PGBD2: variants seen among roughly 807,000 people sequenced by gnomAD.
PGBD2 encodes the protein piggyBac transposable element-derived protein 2.
In PGBD2, 6 loss-of-function variants were observed where a neutral mutation model predicts 8.1. The ratio of observed to expected loss-of-function variants is 0.74; its 90% confidence interval spans 0.40 to 1.46. The LOEUF is 1.46. Ranked by LOEUF, PGBD2 falls within the 40% of genes most tolerant of loss-of-function variation. The pLI is 0.02. For synonymous variants in PGBD2, 318 were observed against 272.2 expected (o/e 1.17, Z -1.66); for missense variants, 802 against 739.0 (o/e 1.09, Z -0.99).
downstream of PGBD2, among the ~76,000 whole-genome samples, chr1:248,922,062 C>CTT (rs977032872): frequency 3.2e-4 from 44 of 139,070 alleles, no homozygotes; most frequent in African/African-American, 9.7e-4. Flanking sequence ...TTTCTTTTTT[C>CTT]TTTTTTTTTT....
chr1:248,873,774 C>A, the PGBD2 span, among the ~76,000 whole-genome samples: 1 of 152,236 alleles, frequency 6.6e-6, no homozygotes, highest in Non-Finnish European at 1.5e-5. Flanking sequence ...GTTCCCACGG[C>A]CGCAACTCGG....
downstream of PGBD2, among the ~76,000 whole-genome samples, chr1:248,923,813 G>C (rs187263983): frequency 6.6e-6 from 1 of 152,282 alleles, no homozygotes; most frequent in Admixed American, 6.5e-5. Context: ...AGGAGAACAG[G>C]GCAGATCCAG....
the PGBD2 span, among the ~76,000 whole-genome samples, chr1:248,875,193 G>T: frequency 2.0e-5 from 3 of 151,898 alleles, no homozygotes; most frequent in Non-Finnish European, 2.9e-5. Context: ...CTACTCAGGA[G>T]GCTGAGGCAG....
chr1:248,887,616 G>A, the PGBD2 span, among the ~76,000 whole-genome samples: 6 of 152,178 alleles, frequency 3.9e-5, no homozygotes, highest in Non-Finnish European at 7.3e-5. Context: ...CACCAAACCA[G>A]TAGAATGCTC....
At chr1:248,874,195 C>A in the PGBD2 span, among the ~76,000 whole-genome samples, 4 of 152,154 alleles carry the variant, frequency 2.6e-5, no homozygotes, top group African/African-American at 7.2e-5. Flanking sequence ...ATAGGAGATA[C>A]GTCACAGGAT....
chr1:248,887,746 C>T, the PGBD2 span, among the ~76,000 whole-genome samples: 5 of 152,196 alleles, frequency 3.3e-5, no homozygotes, highest in South Asian at 4.1e-4. Flanking sequence ...AAAGTGATTG[C>T]GATTTTTGCC....
At chr1:248,920,440 TC>T (rs1355959057), downstream of PGBD2, among the ~76,000 whole-genome samples, 2 of 152,224 alleles carry the variant, frequency 1.3e-5, no homozygotes, top group Admixed American at 1.3e-4. Context: ...AATGATGGTT[TC>T]CAGCTTCATC....
At chr1:248,924,990 G>C in the PGBD2 span, among the ~76,000 whole-genome samples, 1 of 152,080 alleles carries the variant, frequency 6.6e-6, no homozygotes, top group African/African-American at 2.4e-5. Context: ...TCTCCAGAGG[G>C]GATTTAATTC....
At chr1:248,879,029 A>G in the PGBD2 span, among the ~76,000 whole-genome samples, 6 of 152,350 alleles carry the variant, frequency 3.9e-5, no homozygotes, top group Non-Finnish European at 2.9e-5. Context: ...ACAATTAGCT[A>G]TATGCCTTTT....
At chr1:248,877,055 A>C in the PGBD2 span, among the ~76,000 whole-genome samples, 1 of 152,234 alleles carries the variant, frequency 6.6e-6, no homozygotes, top group African/African-American at 2.4e-5. Context: ...TCACATGTAC[A>C]AACAAAAGTT....
At chr1:248,879,187 G>T in the PGBD2 span, among the ~76,000 whole-genome samples, 1 of 152,114 alleles carries the variant, frequency 6.6e-6, no homozygotes, top group African/African-American at 2.4e-5. Flanking sequence ...AATTCATCTT[G>T]CTGTTTTATT....
At chr1:248,873,183 G>A in the PGBD2 span, among the ~76,000 whole-genome samples, 1 of 151,764 alleles carries the variant, frequency 6.6e-6, no homozygotes, top group Non-Finnish European at 1.5e-5. Context: ...CCCACCGGGA[G>A]GACACTGCCA....
At chr1:248,923,583 C>T (rs769409385), downstream of PGBD2, among the ~76,000 whole-genome samples, 1 of 152,220 alleles carries the variant, frequency 6.6e-6, no homozygotes, top group Non-Finnish European at 1.5e-5. Context: ...TCTTAGCCAG[C>T]CTGTTAAACA....
the PGBD2 span, among the ~76,000 whole-genome samples, chr1:248,888,873 G>T: frequency 6.6e-6 from 1 of 152,064 alleles, no homozygotes; most frequent in African/African-American, 2.4e-5. Flanking sequence ...ATAGTTTGAG[G>T]TCTTACATTT....
At chr1:248,906,709 C>T (rs1382076968) in intron 1 of PGBD2, among the ~76,000 whole-genome samples, 2 of 139,198 alleles carry the variant, frequency 1.4e-5, no homozygotes. Flanking sequence ...AGGCTGGCGG[C>T]GGGACTGCGA....
chr1:248,873,162 T>C, the PGBD2 span, among the ~76,000 whole-genome samples: 1 of 152,164 alleles, frequency 6.6e-6, no homozygotes, highest in African/African-American at 2.4e-5. Flanking sequence ...GGCTCACAGG[T>C]AACCTCACAG....
the PGBD2 span, among the ~76,000 whole-genome samples, chr1:248,891,446 G>A: frequency 6.6e-6 from 1 of 152,190 alleles, no homozygotes; most frequent in Non-Finnish European, 1.5e-5. Flanking sequence ...TTTTGAGAAT[G>A]CTTGATTCAA....
At chr1:248,906,762 C>T (rs1026796164) in intron 1 of PGBD2, among the ~76,000 whole-genome samples, 3 of 151,432 alleles carry the variant, frequency 2.0e-5, no homozygotes, top group African/African-American at 4.9e-5. Flanking sequence ...TGTGCCGGGG[C>T]GCGCTGGGGG....
chr1:248,916,345 C>T (rs780763769), intron 2 of PGBD2, among the ~76,000 whole-genome samples: 2 of 151,934 alleles, frequency 1.3e-5, no homozygotes, highest in African/African-American at 2.4e-5. Flanking sequence ...ACCCAGGAGG[C>T]GGAGGTTGCA....
Sources: allele counts gnomAD v4.1 joint callset (sites outside exome capture counted in the v4.1 genomes callset), GRCh38; gene constraint gnomAD v4.1.1; transcripts MANE v1.5; gene names NCBI Gene and HGNC (gene_info 2026-07-23, HGNC 2026-07-21).